The following OR56A1 variants were observed in gnomAD, a reference collection of about 807,000 sequenced individuals.
OR56A1 encodes the protein olfactory receptor family 56 subfamily A member 1.
For missense variants in OR56A1, 360 were observed against 380.9 expected (o/e 0.94, Z 0.46); for synonymous variants, 174 against 159.1 (o/e 1.09, Z -0.70).
intron 1 of OR56A1, 124 bp from the exon 2 acceptor site, chr11:6,027,850 C>A: frequency 3.2e-6 from 2 of 625,756 alleles, no homozygotes; most frequent in South Asian, 5.0e-5. Context: ...CAAATTTCAG[C>A]CAATATTCTA....
chr11:6,029,530 T>G (rs1848492706), intron 1 of OR56A1, among the ~76,000 whole-genome samples: 1 of 152,128 alleles, frequency 6.6e-6, no homozygotes, highest in Non-Finnish European at 1.5e-5. Flanking sequence ...GGCTTCCATC[T>G]CCATTAGTTC....
chr11:6,025,885 T>C lies in OR56A1; in HGVS notation c.*863A>G, dbSNP rs1363414466. ...TAAATAACCAGTGTAAGGTTTTTTT[T>C]CACCTAACTGGAACCATTATTATCC... On this transcript the variant is annotated 3_prime_UTR_variant, in exon 2 of 2. Transcript: ENST00000641900. 6.6e-6 allele frequency: 1 copy of C among 152,254 alleles called. No homozygotes were observed. Among genetic ancestry groups the C allele is most frequent in the Non-Finnish European group, 1.5e-5 (1 of 68,044 alleles). The allele number at this position is 152,254 out of a possible 1,614,324, so 9.4% of individuals were successfully genotyped here. A position where few individuals can be genotyped will look rare whatever the true frequency, so the allele number is the denominator to read the frequency against.
At chr11:6,031,343 G>GA (rs1301400857), upstream of OR56A1, among the ~76,000 whole-genome samples, 10 of 152,156 alleles carry the variant, frequency 6.6e-5, no homozygotes, top group East Asian at 9.6e-4. Context: ...AAAAGAAATG[G>GA]AAAAAAATAT....
intron 1 of OR56A1, among the ~76,000 whole-genome samples, chr11:6,030,407 A>C (rs542826192): frequency 6.6e-6 from 1 of 152,098 alleles, no homozygotes; most frequent in Non-Finnish European, 1.5e-5. Context: ...TTTTATCATC[A>C]CTATATAAAC....
rs905112145 is a variant in OR56A1, at chr11:6,026,887, T to C, written c.806A>G (p.Lys269Arg). ...LVVVLTNVAR[K>R]KVPMDILILL... ...GATCAGGATGTCCATGGGGACCTTC[T>C]TTCTGGCCACGTTTGTCAACACCAC... The change falls in exon 2 of 2, where the codon AAG becomes AGG. Residue 269 changes from lysine (K) to arginine (R), a missense_variant. By Grantham distance (26) the Lys-to-Arg change is conservative. Transcript: ENST00000641900. 8 of 1,614,170 alleles carry C rather than the reference T, an allele frequency of 5.0e-6. No individual in the cohort carries two copies. The highest frequency in any genetic ancestry group is 3.3e-5 in the Admixed American group (2 of 60,022).
In OR56A1 at chr11:6,022,551, A is replaced by G. The variant is rs1452734981; in HGVS notation, c.*4197T>C. On this transcript the variant is annotated 3_prime_UTR_variant, in exon 2 of 2. Transcript: ENST00000641900. ...GAGTATGAAAAACTTAGGAAACTAC[A>G]AAGCTATCCAGTGAAAGATTAAAAA... 2.6e-5 allele frequency: 4 copies of G among 152,188 alleles called. No homozygotes were observed. The highest frequency in any genetic ancestry group is 9.7e-5 in the African/African-American group (4 of 41,440). The allele number at this position is 152,188 out of a possible 1,614,324, so 9.4% of individuals were successfully genotyped here.
At chr11:6,033,518 C>T (rs945151692), upstream of OR56A1, among the ~76,000 whole-genome samples, 1 of 151,208 alleles carries the variant, frequency 6.6e-6, no homozygotes, top group African/African-American at 2.4e-5. Context: ...TTTCTCAATC[C>T]GGTTCCAATT....
intron 1 of OR56A1, among the ~76,000 whole-genome samples, chr11:6,028,001 G>A (rs191371024): frequency 5.6e-4 from 85 of 151,808 alleles, no homozygotes; most frequent in Admixed American, 1.8e-3. Flanking sequence ...TTACAAACAC[G>A]CAACAAATTA....
In OR56A1 at chr11:6,021,382, G is replaced by C. The variant is rs1387903443; in HGVS notation, c.*5366C>G. On this transcript the variant is annotated 3_prime_UTR_variant, in exon 2 of 2. Coordinates refer to ENST00000641900, the MANE Select transcript of OR56A1 (RefSeq NM_001388488.1). ...ACAATATATTGTATATTTTCAAATA[G>C]CTAGAAGAAAGAATATTGAATATAC... 1 of 152,034 alleles carries C rather than the reference G, an allele frequency of 6.6e-6. No individual in the cohort carries two copies. Among genetic ancestry groups the C allele is most frequent in the Middle Eastern group, 3.2e-3 (1 of 316 alleles). The allele number at this position is 152,034 out of a possible 1,614,324, so 9.4% of individuals were successfully genotyped here.
upstream of OR56A1, among the ~76,000 whole-genome samples, chr11:6,030,922 C>T (rs1168522399): frequency 1.3e-5 from 2 of 152,144 alleles, no homozygotes; most frequent in East Asian, 3.8e-4. Context: ...CATCAATTAG[C>T]CCAGTGCTTG....
At chr11:6,028,853 C>T (rs887805061) in intron 1 of OR56A1, among the ~76,000 whole-genome samples, 2 of 152,024 alleles carry the variant, frequency 1.3e-5, no homozygotes, top group African/African-American at 4.8e-5. Flanking sequence ...TATCACAGCA[C>T]TATACACAAT....
rs775362066 is a variant in OR56A1, at chr11:6,024,738, T to C, written c.*2010A>G. The C allele has an allele frequency of 6.6e-6, 1 of 152,174 alleles. No individual in the cohort carries two copies. The highest frequency in any genetic ancestry group is 2.1e-4 in the South Asian group (1 of 4,824). 9.4% of individuals were successfully genotyped at this position (152,174 alleles called of 1,614,324 possible). On this transcript the variant is annotated 3_prime_UTR_variant, in exon 2 of 2. Coordinates refer to ENST00000641900, the MANE Select transcript of OR56A1 (RefSeq NM_001388488.1). ...AGAAAATCAGTGGTGAAGTTGGCCTTTATATCATCTAAGGGACAATAGGAA... is the reference window on the plus strand; with the variant it reads ...AGAAAATCAGTGGTGAAGTTGGCCTCTATATCATCTAAGGGACAATAGGAA...
chr11:6,020,699 G>T lies in OR56A1; in HGVS notation c.*6049C>A, dbSNP rs775595966. 6.6e-5 allele frequency: 10 copies of T among 152,050 alleles called. No homozygotes were observed. The highest frequency in any genetic ancestry group is 1.2e-4 in the Non-Finnish European group (8 of 67,946). The allele number at this position is 152,050 out of a possible 1,614,324, so 9.4% of individuals were successfully genotyped here. On this transcript the variant is annotated 3_prime_UTR_variant, in exon 2 of 2. Transcript: ENST00000641900. Reference sequence around the variant, plus strand: ...TACTAACGTTTATCAGCTGGAGGAGGTTTTGGGCCTAGACTGTGGGGTTTT... The same window carrying T: ...TACTAACGTTTATCAGCTGGAGGAGTTTTTGGGCCTAGACTGTGGGGTTTT...
At position 6,019,934 on chromosome 11, in the gene OR56A1, T is replaced by G. The variant is rs1848378012; in HGVS notation, c.*6814A>C. 1 of 152,144 alleles carries G rather than the reference T, an allele frequency of 6.6e-6. No homozygotes were observed. The highest frequency in any genetic ancestry group is 2.1e-4 in the South Asian group (1 of 4,834). 9.4% of individuals were successfully genotyped at this position (152,144 alleles called of 1,614,324 possible). On this transcript the variant is annotated 3_prime_UTR_variant, in exon 2 of 2. Transcript: ENST00000641900. ...AAACCAGCATTTACTTTTCCAGGGA[T>G]AAGCATAGGTTTAAGGAAAGTCTCT...
chr11:6,026,729 T>C lies in OR56A1; in HGVS notation c.*19A>G. The C allele has an allele frequency of 7.0e-7, 1 of 1,422,852 alleles. No individual in the cohort carries two copies. Among genetic ancestry groups the C allele is most frequent in the Non-Finnish European group, 9.7e-7 (1 of 1,028,456 alleles). The allele number at this position is 1,422,852 out of a possible 1,614,324, so 88.1% of individuals were successfully genotyped here. On this transcript the variant is annotated 3_prime_UTR_variant, in exon 2 of 2. Coordinates refer to ENST00000641900, the MANE Select transcript of OR56A1 (RefSeq NM_001388488.1). Reference sequence around the variant, plus strand: ...CACTGAAGAGGAAGAACAGGAGGTATTAGAAATGCTTTACATATTCACCTC... The same window carrying C: ...CACTGAAGAGGAAGAACAGGAGGTACTAGAAATGCTTTACATATTCACCTC...
rs1182567455 is a variant in OR56A1, at chr11:6,024,566, A to T, written c.*2182T>A. ...GATGTATTATATTCCTATGAATTAT[A>T]TCCTATTAGATTCCTTTTTAAAAAC... On this transcript the variant is annotated 3_prime_UTR_variant, in exon 2 of 2. Transcript: ENST00000641900. 1 of 152,226 alleles carries T rather than the reference A, an allele frequency of 6.6e-6. No homozygotes were observed. The highest frequency in any genetic ancestry group is 2.4e-5 in the African/African-American group (1 of 41,458). The allele number at this position is 152,226 out of a possible 1,614,324, so 9.4% of individuals were successfully genotyped here.
chr11:6,033,396 A>G (rs778505900), upstream of OR56A1, among the ~76,000 whole-genome samples: 2 of 151,242 alleles, frequency 1.3e-5, no homozygotes, highest in Admixed American at 6.6e-5. Flanking sequence ...GATTGGCAAT[A>G]TTAACCAACA....
At position 6,027,423 on chromosome 11, in the gene OR56A1, A is replaced by G. The variant is rs1848464755; in HGVS notation, c.270T>C (p.Tyr90=). ...VIPKVLAIFW[Y]DLRSISFPAC... Reference sequence around the variant, plus strand: ...CAGGGAAGCTGATCGACCTAAGATCATACCAGAAGATGGCCAGGACCTTGG... The same window carrying G: ...CAGGGAAGCTGATCGACCTAAGATCGTACCAGAAGATGGCCAGGACCTTGG... Residue 90 remains tyrosine (Y), a synonymous_variant, in exon 2 of 2, where the codon TAT becomes TAC. Transcript: ENST00000641900. 4.3e-6 allele frequency: 7 copies of G among 1,614,240 alleles called. No homozygotes were observed. Among genetic ancestry groups the G allele is most frequent in the Non-Finnish European group, 5.9e-6 (7 of 1,180,034 alleles).
rs976045898 is a variant in OR56A1, at chr11:6,024,279, A to G, written c.*2469T>C. 1 of 152,228 alleles carries G rather than the reference A, an allele frequency of 6.6e-6. No homozygotes were observed. 9.4% of individuals were successfully genotyped at this position (152,228 alleles called of 1,614,324 possible). ...TGTCTTGGTCCCTCCATCCTTTACA[A>G]ATCCCTACAACAAAGTTGGTAGTTT... On this transcript the variant is annotated 3_prime_UTR_variant, in exon 2 of 2. Coordinates refer to ENST00000641900, the MANE Select transcript of OR56A1 (RefSeq NM_001388488.1).
Sources: allele counts gnomAD v4.1 joint callset (sites outside exome capture counted in the v4.1 genomes callset), GRCh38; gene constraint gnomAD v4.1.1; transcripts MANE v1.5; gene names NCBI Gene and HGNC (gene_info 2026-07-23, HGNC 2026-07-21).